DRD3: variants seen among roughly 807,000 people sequenced by gnomAD.
DRD3 encodes the protein dopamine receptor D3.
In DRD3, 19 loss-of-function variants were observed where a neutral mutation model predicts 36.3. The ratio of observed to expected loss-of-function variants is 0.52; its 90% CI spans 0.36 to 0.77. The LOEUF is 0.77. Ranked by LOEUF, DRD3 falls within the 30% of genes least tolerant of loss-of-function variation. The probability of loss-of-function intolerance (pLI) is 0.00; values close to 1 mark genes in which losing one functional copy is unlikely to be tolerated. For missense variants in DRD3, 465 were observed against 505.3 expected (o/e 0.92, Z 0.77); for synonymous variants, 195 against 203.7 (o/e 0.96, Z 0.36).
In DRD3 at chr3:114,139,589, A is replaced by G; in HGVS notation, c.634T>C (p.Tyr212His). 6.2e-7 allele frequency: 1 copy of G among 1,614,142 alleles called. No homozygotes were observed. Among genetic ancestry groups the G allele is most frequent in the Non-Finnish European group, 8.5e-7 (1 of 1,180,028 alleles). Residue 212 changes from tyrosine to histidine, a missense_variant, in exon 5 of 7, where the codon TAT (tyrosine) becomes CAT (histidine). By Grantham distance (83) the Tyr-to-His change is moderately conservative. Coordinates refer to ENST00000383673, the MANE Select transcript of DRD3 (RefSeq NM_000796.6). ...CGTCTCCTTTGTTTCAGCACCACAT[A>G]GATTCTGGCATAGACAAGGACAGTC... ...GVTVLVYARI[Y>H]VVLKQRRRKR...
At chr3:114,130,875 A>G (rs2077423401) in intron 6 of DRD3, among the ~76,000 whole-genome samples, 1 of 152,196 alleles carries the variant, frequency 6.6e-6, no homozygotes, top group South Asian at 2.1e-4. Context: ...TGTTTGATTT[A>G]TGTGTTGTAG....
chr3:114,172,514 G>A (rs766639333), intron 1 of DRD3, among the ~76,000 whole-genome samples: 1 of 152,180 alleles, frequency 6.6e-6, no homozygotes, highest in Non-Finnish European at 1.5e-5. Flanking sequence ...AGTCATAGGA[G>A]GGAGTCTGGT....
chr3:114,170,712 G>A lies in DRD3; in HGVS notation c.270+1011C>T, dbSNP rs375074963. ...CTATGTACAAGGTTTTTGCTCTCCC[G>A]TGATATGTCATACTTAATTAACTGT... On this transcript the variant is annotated intron_variant, in intron 2 of 6. Coordinates refer to ENST00000383673, the MANE Select transcript of DRD3 (RefSeq NM_000796.6). Among the ~76,000 whole-genome samples, 11 of 152,088 alleles carry A rather than the reference G, an allele frequency of 7.2e-5. No homozygotes were observed. The South Asian group carries it at 1.9e-3, about 26-fold the overall frequency.
chr3:114,129,922 G>A (rs907923126), intron 6 of DRD3, among the ~76,000 whole-genome samples: 3 of 152,072 alleles, frequency 2.0e-5, no homozygotes, highest in African/African-American at 4.8e-5. Flanking sequence ...GCCGGGTGTG[G>A]TAGCGCATGC....
Position 114,194,134 on chromosome 3 carries a change from T to C in DRD3, c.-156+5139A>G, listed in dbSNP as rs188296045. Among the ~76,000 whole-genome samples, 9 of 152,322 alleles carry C rather than the reference T, an allele frequency of 5.9e-5. No individual in the cohort carries two copies. The East Asian group carries it at 1.7e-3, about 29-fold the overall frequency. On this transcript the variant is annotated intron_variant, in intron 1 of 7. Coordinates refer to the DRD3 transcript ENST00000460779. ...GCATATCCTAAATGATATCCCCAAATAACACAGCCAATGTGATTTTTGTAG... is the reference window on the plus strand; with the variant it reads ...GCATATCCTAAATGATATCCCCAAACAACACAGCCAATGTGATTTTTGTAG...
chr3:114,129,213 C>T (rs531266587), intron 6 of DRD3, among the ~76,000 whole-genome samples: 10 of 152,048 alleles, frequency 6.6e-5, no homozygotes, highest in Admixed American at 3.9e-4. Context: ...CGTGGTGGTG[C>T]GTGCCTATAA....
intron 3 of DRD3, among the ~76,000 whole-genome samples, chr3:114,150,213 T>G (rs2077604876): frequency 6.6e-6 from 1 of 152,250 alleles, no homozygotes; most frequent in Admixed American, 6.5e-5. Flanking sequence ...TACTCTTCAA[T>G]AGTCAGAGAC....
intron 3 of DRD3, among the ~76,000 whole-genome samples, chr3:114,156,892 TCTC>T (rs2077684754): frequency 7.6e-6 from 1 of 131,484 alleles, no homozygotes; most frequent in Non-Finnish European, 1.7e-5. Flanking sequence ...TTTCTTTTCT[TCTC>T]TTTTCTTCCT....
chr3:114,176,917 A>G (rs2077905354), intron 1 of DRD3, among the ~76,000 whole-genome samples: 1 of 152,208 alleles, frequency 6.6e-6, no homozygotes, highest in Non-Finnish European at 1.5e-5. Context: ...CTATTATCCT[A>G]TCAAGTTTTC....
intron 3 of DRD3, among the ~76,000 whole-genome samples, chr3:114,154,085 A>G (rs994950705): frequency 1.3e-5 from 2 of 152,056 alleles, no homozygotes; most frequent in African/African-American, 4.8e-5. Context: ...AAGTCAGGAG[A>G]TTCCATTTCT....
rs1218095483 is a variant in DRD3 at position 114,189,474 on chromosome 3, AT to A, written c.-156+9798del. Among the ~76,000 whole-genome samples, 7 of 152,292 alleles carry A rather than the reference AT, an allele frequency of 4.6e-5. No individual in the cohort carries two copies. The East Asian group carries it at 1.2e-3, about 25-fold the overall frequency. ...GTTGGAATAAATAAATTCTATGATCATTTCCAGCTCCAATTGTCCATGATTT... is the reference window on the plus strand; with the variant it reads ...GTTGGAATAAATAAATTCTATGATCATTCCAGCTCCAATTGTCCATGATTT... On this transcript the variant is annotated intron_variant, in intron 1 of 7. Transcript: ENST00000460779.
intron 2 of DRD3, among the ~76,000 whole-genome samples, chr3:114,168,732 A>G (rs2077810726): frequency 6.6e-6 from 1 of 152,244 alleles, no homozygotes; most frequent in African/African-American, 2.4e-5. Flanking sequence ...AGCTGAACCA[A>G]CACAATAATT....
chr3:114,174,814 C>T (rs1389225862), intron 1 of DRD3, among the ~76,000 whole-genome samples: 2 of 146,218 alleles, frequency 1.4e-5, no homozygotes, highest in Admixed American at 1.4e-4. Context: ...TTTCTTCTTT[C>T]TTTTCCCCTC....
chr3:114,184,687 C>G (rs2077966026), intron 1 of DRD3, among the ~76,000 whole-genome samples: 1 of 141,640 alleles, frequency 7.1e-6, no homozygotes, highest in Non-Finnish European at 1.6e-5. Flanking sequence ...TTCAGTCCCC[C>G]AAGTAGCTGG....
intron 2 of DRD3, among the ~76,000 whole-genome samples, chr3:114,168,482 A>C (rs1230677398): frequency 6.6e-6 from 1 of 152,028 alleles, no homozygotes; most frequent in Non-Finnish European, 1.5e-5. Context: ...TGGCCTCATG[A>C]CTAAGTTCTG....
At chr3:114,132,078 A>G (rs1433519508) in intron 5 of DRD3, among the ~76,000 whole-genome samples, 1 of 152,256 alleles carries the variant, frequency 6.6e-6, no homozygotes, top group African/African-American at 2.4e-5. Flanking sequence ...AAGATTATAA[A>G]TCATTCTACT....
At chr3:114,188,538 A>G (rs993282846) in intron 1 of DRD3, among the ~76,000 whole-genome samples, 2 of 152,048 alleles carry the variant, frequency 1.3e-5, no homozygotes, top group African/African-American at 4.8e-5. Flanking sequence ...GCTTTTATAG[A>G]TCTTATCCTG....
chr3:114,131,521 C>A, intron 5 of DRD3, 121 bp from the exon 6 acceptor site: 1 of 1,325,832 alleles, frequency 7.5e-7, no homozygotes, highest in South Asian at 1.5e-5. Flanking sequence ...GGGAAACCTA[C>A]AAAGGGAACA....
chr3:114,173,805 C>G (rs1049851612), intron 1 of DRD3, among the ~76,000 whole-genome samples: 1 of 152,154 alleles, frequency 6.6e-6, no homozygotes, highest in African/African-American at 2.4e-5. Flanking sequence ...AATATTTAAG[C>G]ATGGTACATA....
Sources: gnomAD v4.1 joint callset for allele counts (sites outside exome capture counted in the v4.1 genomes callset) on GRCh38, gnomAD v4.1.1 for gene constraint, MANE v1.5 for transcripts, NCBI Gene and HGNC (gene_info 2026-07-23, HGNC 2026-07-21) for gene names.